Variants in ZNF704 observed in about 807,000 individuals in gnomAD.
The protein encoded by ZNF704 is glucocorticoid induced gene 1.
A neutral mutation model predicts 44.7 loss-of-function variants in ZNF704; 10 were observed. The observed-to-expected ratio is 0.22, with a 90% confidence interval of 0.14 to 0.38. ZNF704 has a LOEUF of 0.38. ZNF704 is among the 10% of genes least tolerant of loss of function. ZNF704 has a pLI of 1.00. For synonymous variants in ZNF704, 211 were observed against 207.6 expected (o/e 1.02, Z -0.14); for missense variants, 390 against 545.5 (o/e 0.71, Z 2.84).
chr8:80,770,572 T>C (rs935582116), intron 2 of ZNF704, among the ~76,000 whole-genome samples: 3 of 152,216 alleles, frequency 2.0e-5, no homozygotes, highest in Non-Finnish European at 2.9e-5. Flanking sequence ...CTGTTGAGTT[T>C]TGAAAAACTT....
At chr8:80,711,244 T>C (rs1348963554) in intron 2 of ZNF704, among the ~76,000 whole-genome samples, 4 of 152,150 alleles carry the variant, frequency 2.6e-5, no homozygotes. Context: ...TAAGCAGTCA[T>C]AGGGAAAATG....
rs540152439 is a variant in ZNF704, at chr8:80,831,050, G to A, written c.-21-9435C>T. 7.9e-5 allele frequency among the ~76,000 whole-genome samples: 12 copies of A among 152,048 alleles called. No individual in the cohort carries two copies. The South Asian group carries it at 2.3e-3, about 29-fold the overall frequency. ...AATACAAGCGTGAGCCACTGCACCCGGCCTAGAGGGTGTATTTCTAAGAAC... is the reference window on the plus strand; with the variant it reads ...AATACAAGCGTGAGCCACTGCACCCAGCCTAGAGGGTGTATTTCTAAGAAC... On this transcript the variant is annotated intron_variant, in intron 1 of 8. Coordinates refer to ENST00000327835, the MANE Select transcript of ZNF704 (RefSeq NM_001033723.3).
chr8:80,866,762 A>AT (rs1418348327), intron 1 of ZNF704, among the ~76,000 whole-genome samples: 2 of 152,018 alleles, frequency 1.3e-5, no homozygotes, highest in Non-Finnish European at 2.9e-5. Flanking sequence ...AGATTTACTA[A>AT]TTTTAGAAGG....
intron 1 of ZNF704, among the ~76,000 whole-genome samples, chr8:80,842,153 GAA>G (rs1808691748): frequency 6.6e-6 from 1 of 152,014 alleles, no homozygotes; most frequent in Non-Finnish European, 1.5e-5. Flanking sequence ...AATATCCCAG[GAA>G]AAGAGTCTTT....
chr8:80,670,513 T>C lies in ZNF704; in HGVS notation c.649A>G (p.Ile217Val). 6.2e-7 allele frequency: 1 copy of C among 1,613,798 alleles called. No homozygotes were observed. The highest frequency in any genetic ancestry group is 8.5e-7 in the Non-Finnish European group (1 of 1,179,768). Residue 217 changes from isoleucine to valine, a missense_variant, in exon 5 of 9, where the codon ATC becomes GTC. Ile to Val is a conservative substitution (Grantham distance 29). Around this residue, in one of 3 missense-constraint regions of ZNF704, gnomAD observed 305 missense variants for 435.7 expected, o/e 0.70. Transcript: ENST00000327835. ...AAGIQKHIRTIHLGRVGDSDY... is the reference protein window; with the variant it reads ...AAGIQKHIRTVHLGRVGDSDY... ...AGAGAGCTGCCTTACCCCAGATGGA[T>C]GGTTCGGATGTGTTTCTGGATACCT...
intron 1 of ZNF704, among the ~76,000 whole-genome samples, chr8:80,850,860 A>T (rs1808846358): frequency 6.6e-6 from 1 of 152,228 alleles, no homozygotes; most frequent in African/African-American, 2.4e-5. Flanking sequence ...ATTGCCTAAC[A>T]TGAAGCAGGT....
At chr8:80,793,464 T>A (rs1586031633) in intron 2 of ZNF704, among the ~76,000 whole-genome samples, 1 of 152,064 alleles carries the variant, frequency 6.6e-6, no homozygotes, top group Non-Finnish European at 1.5e-5. Context: ...TAGATATTCA[T>A]GAAATACATT....
intron 2 of ZNF704, chr8:80,812,526 C>T (rs1808105872): frequency 6.6e-6 from 1 of 152,660 alleles, no homozygotes; most frequent in Non-Finnish European, 1.5e-5. Flanking sequence ...TTTCTCCCAA[C>T]AAGTTTGCGC....
intron 1 of ZNF704, among the ~76,000 whole-genome samples, chr8:80,857,048 C>T (rs1357113510): frequency 1.3e-5 from 2 of 152,158 alleles, no homozygotes; most frequent in East Asian, 1.9e-4. Flanking sequence ...ATTTCACATA[C>T]CTTTTTTGTA....
At chr8:80,825,336 T>A (rs1038518277) in intron 1 of ZNF704, among the ~76,000 whole-genome samples, 48 of 152,106 alleles carry the variant, frequency 3.2e-4, no homozygotes, top group Non-Finnish European at 5.6e-4. Flanking sequence ...GGAAGGCCAT[T>A]ACATAATGGT....
chr8:80,670,217 G>A (rs1818257938), intron 5 of ZNF704, among the ~76,000 whole-genome samples: 1 of 152,174 alleles, frequency 6.6e-6, no homozygotes, highest in African/African-American at 2.4e-5. Context: ...CTGAAGAGCT[G>A]ACATTATTAT....
At chr8:80,667,852 T>A (rs1177129007) in intron 5 of ZNF704, among the ~76,000 whole-genome samples, 1 of 152,202 alleles carries the variant, frequency 6.6e-6, no homozygotes. Flanking sequence ...CCTCAGTTTC[T>A]CCACTTATAA....
intron 1 of ZNF704, among the ~76,000 whole-genome samples, chr8:80,844,499 C>A (rs928066073): frequency 2.6e-5 from 4 of 152,158 alleles, no homozygotes; most frequent in African/African-American, 9.7e-5. Flanking sequence ...TACCATCACA[C>A]TGGAGATTAG....
chr8:80,672,656 G>A (rs1002155001), intron 4 of ZNF704, among the ~76,000 whole-genome samples: 2 of 152,114 alleles, frequency 1.3e-5, no homozygotes, highest in Non-Finnish European at 2.9e-5. Context: ...GAATTGATGC[G>A]GAAACAGAAA....
At chr8:80,720,886 C>T (rs1658132799) in intron 2 of ZNF704, among the ~76,000 whole-genome samples, 1 of 152,228 alleles carries the variant, frequency 6.6e-6, no homozygotes, top group South Asian at 2.1e-4. Flanking sequence ...AGTCACTCAG[C>T]CAACAGGCAG....
At chr8:80,877,385 G>A (rs775423266), upstream of ZNF704, among the ~76,000 whole-genome samples, 1 of 152,070 alleles carries the variant, frequency 6.6e-6, no homozygotes, top group Non-Finnish European at 1.5e-5. Flanking sequence ...GACACTTAGT[G>A]GGAATAAAAT....
intron 7 of ZNF704, among the ~76,000 whole-genome samples, chr8:80,645,868 T>G (rs991409555): frequency 6.6e-6 from 1 of 152,192 alleles, no homozygotes; most frequent in Admixed American, 6.5e-5. Context: ...GCTTGAATGT[T>G]TGTCCCCTCC....
chr8:80,870,991 C>A (rs575558812), intron 1 of ZNF704, among the ~76,000 whole-genome samples: 1 of 152,170 alleles, frequency 6.6e-6, no homozygotes, highest in Admixed American at 6.5e-5. Flanking sequence ...TGGTCTCATC[C>A]TGGATTCCTC....
chr8:80,873,379 G>C lies in ZNF704; in HGVS notation c.-22+1192C>G, dbSNP rs553891089. Reference sequence around the variant, plus strand: ...GGCGCAGGCAAATCAACAGTTCCTCGCGCTGCCCCGCGCGGCCGCCCGCGC... The same window carrying C: ...GGCGCAGGCAAATCAACAGTTCCTCCCGCTGCCCCGCGCGGCCGCCCGCGC... On this transcript the variant is annotated intron_variant, in intron 1 of 8. Coordinates refer to ENST00000327835, the MANE Select transcript of ZNF704 (RefSeq NM_001033723.3). Among the ~76,000 whole-genome samples, 775 of 152,104 alleles carry C rather than the reference G, an allele frequency of 5.1e-3. 5 individuals are homozygous for C. Among genetic ancestry groups the C allele is most frequent in the African/African-American group, 0.018 (733 of 41,506 alleles).
Sources: allele counts gnomAD v4.1 joint callset (sites outside exome capture counted in the v4.1 genomes callset), GRCh38; gene constraint gnomAD v4.1.1; regional missense constraint gnomAD v4.1.1; transcripts MANE v1.5; gene names NCBI Gene and HGNC (gene_info 2026-07-23, HGNC 2026-07-21).